The following LYZL1 variants were observed in gnomAD, a reference collection of about 807,000 sequenced individuals.
LYZL1 encodes lysozyme-like protein 1.
LYZL1 carries 16 observed loss-of-function variants against 17.9 expected under a neutral mutation model. The ratio of observed to expected loss-of-function variants is 0.90; its 90% CI spans 0.61 to 1.36. The LOEUF is 1.36. LYZL1 is among the 40% of genes most tolerant of loss of function. LYZL1 has a pLI of 0.00. For synonymous variants in LYZL1, 58 were observed against 71.8 expected (o/e 0.81, Z 0.97); for missense variants, 149 against 188.4 (o/e 0.79, Z 1.22).
chr10:29,308,300 G>A (rs1168932155), intron 3 of LYZL1, among the ~76,000 whole-genome samples: 1 of 152,216 alleles, frequency 6.6e-6, no homozygotes, highest in Non-Finnish European at 1.5e-5. Context: ...GACCTGGCAT[G>A]TGGGCCCGAC....
At chr10:29,302,511 C>T (rs749382802) in intron 3 of LYZL1, among the ~76,000 whole-genome samples, 3 of 152,264 alleles carry the variant, frequency 2.0e-5, no homozygotes, top group South Asian at 2.1e-4. Flanking sequence ...CGGTCCTCTT[C>T]GTGCATTTGC....
At chr10:29,315,601 C>G (rs1249250693), downstream of LYZL1, among the ~76,000 whole-genome samples, 2 of 151,834 alleles carry the variant, frequency 1.3e-5, no homozygotes, top group Non-Finnish European at 2.9e-5. Flanking sequence ...GCCTGTAATC[C>G]TAACACTTTG....
chr10:29,301,193 G>C (rs1188646520), intron 3 of LYZL1, among the ~76,000 whole-genome samples: 1 of 152,142 alleles, frequency 6.6e-6, no homozygotes, highest in African/African-American at 2.4e-5. Flanking sequence ...TTAAAAACAG[G>C]TGTTTCCCTG....
chr10:29,292,795 C>T, intron 3 of LYZL1, 118 bp downstream of exon 3: 1 of 1,450,422 alleles, frequency 6.9e-7, no homozygotes, highest in Non-Finnish European at 9.3e-7. Flanking sequence ...GCAAATAGGT[C>T]TGTTCCAGAT....
intron 4 of LYZL1, among the ~76,000 whole-genome samples, chr10:29,310,679 T>C (rs537853533): frequency 6.6e-6 from 1 of 152,308 alleles, no homozygotes; most frequent in East Asian, 1.9e-4. Flanking sequence ...TCGCTGCTGC[T>C]GTGTTCTGGT....
chr10:29,294,088 C>A (rs74131326), intron 3 of LYZL1, among the ~76,000 whole-genome samples: 9,627 of 151,824 alleles, frequency 0.063, 357 homozygotes, highest in Middle Eastern at 0.12. Context: ...AAAAGTTATC[C>A]CAGGCCAGGG....
At chr10:29,317,543 C>T (rs1835746759) in intron 4 of LYZL1, 1 of 152,210 alleles carries the variant, frequency 6.6e-6, no homozygotes, top group South Asian at 2.1e-4. Flanking sequence ...GGTGATGGAG[C>T]AAAGCCAATA....
intron 3 of LYZL1, among the ~76,000 whole-genome samples, chr10:29,306,526 G>A (rs1835593671): frequency 8.5e-6 from 1 of 117,018 alleles, no homozygotes; most frequent in Admixed American, 9.5e-5. Flanking sequence ...CTCCAGCCTG[G>A]GCGACAGAGC....
rs369399795 is a variant in LYZL1, at chr10:29,289,617, C to CTT, written c.-26+389_-26+390dup. Among the ~76,000 whole-genome samples the CTT allele has an allele frequency of 1.4e-3, 213 of 152,056 alleles. 1 individual carries two copies. The highest frequency in any genetic ancestry group is 4.7e-3 in the African/African-American group (195 of 41,464). ...TATATTTTGTAGAGGCAGGGTCTAC[C>CTT]TTTGCTGCCCAGGCTAGTCTCAAAC... On this transcript the variant is annotated intron_variant, in intron 1 of 4. Transcript: ENST00000649382.
chr10:29,291,037 C>T (rs1835356999), intron 1 of LYZL1, among the ~76,000 whole-genome samples: 2 of 152,034 alleles, frequency 1.3e-5, no homozygotes. Context: ...TCTGTTTCTA[C>T]ACATCCAGTT....
downstream of LYZL1, chr10:29,311,343 C>T (rs1320197354): frequency 2.2e-5 from 20 of 913,668 alleles, no homozygotes; most frequent in Non-Finnish European, 2.7e-5. Context: ...TGTAGGGAGT[C>T]CTGGTTTCTG....
chr10:29,302,762 C>T (rs556021914), intron 3 of LYZL1, among the ~76,000 whole-genome samples: 3 of 152,294 alleles, frequency 2.0e-5, no homozygotes, highest in African/African-American at 7.2e-5. Flanking sequence ...CCATAGTTGC[C>T]GTACCCCGCG....
chr10:29,300,739 G>A (rs1835506445), intron 3 of LYZL1, among the ~76,000 whole-genome samples: 1 of 151,984 alleles, frequency 6.6e-6, no homozygotes, highest in Non-Finnish European at 1.5e-5. Flanking sequence ...GCTTTTGTTT[G>A]TCTGAAAATA....
intron 3 of LYZL1, among the ~76,000 whole-genome samples, chr10:29,303,585 C>T (rs1262563035): frequency 6.6e-6 from 1 of 152,192 alleles, no homozygotes; most frequent in Non-Finnish European, 1.5e-5. Flanking sequence ...ATCTGCAAGA[C>T]AATCTTAGAT....
At chr10:29,294,087 C>T (rs1047591568) in intron 3 of LYZL1, among the ~76,000 whole-genome samples, 3 of 151,972 alleles carry the variant, frequency 2.0e-5, no homozygotes, top group Non-Finnish European at 2.9e-5. Flanking sequence ...GAAAAGTTAT[C>T]CCAGGCCAGG....
intron 3 of LYZL1, 129 bp downstream of exon 3, chr10:29,292,806 T>G (rs2132814906): frequency 7.4e-7 from 1 of 1,358,152 alleles, no homozygotes; most frequent in Admixed American, 2.4e-5. Flanking sequence ...TGTTCCAGAT[T>G]GGTAAATTAT....
At chr10:29,294,474 G>T (rs1835419694) in intron 3 of LYZL1, among the ~76,000 whole-genome samples, 1 of 152,198 alleles carries the variant, frequency 6.6e-6, no homozygotes, top group African/African-American at 2.4e-5. Context: ...TGCTGAACAG[G>T]CAGAGGGCAG....
At chr10:29,300,914 T>C (rs934358616) in intron 3 of LYZL1, among the ~76,000 whole-genome samples, 1 of 152,164 alleles carries the variant, frequency 6.6e-6, no homozygotes, top group Non-Finnish European at 1.5e-5. Flanking sequence ...CTCAACTTCC[T>C]GGGCTCAAGT....
chr10:29,289,972 G>C (rs560573882), intron 1 of LYZL1, among the ~76,000 whole-genome samples: 1 of 152,110 alleles, frequency 6.6e-6, no homozygotes, highest in East Asian at 1.9e-4. Context: ...GTTTGCCCAC[G>C]CTTGCTATTC....
Sources: allele counts gnomAD v4.1 joint callset (sites outside exome capture counted in the v4.1 genomes callset), GRCh38; gene constraint gnomAD v4.1.1; transcripts MANE v1.5; gene names NCBI Gene and HGNC (gene_info 2026-07-23, HGNC 2026-07-21).